The following DSC1 variants were observed in gnomAD, a reference collection of about 807,000 sequenced individuals.
The protein encoded by DSC1 is desmocollin-1.
Under a neutral mutation model 98.8 loss-of-function variants are expected in DSC1, and 79 were observed. The ratio of observed to expected loss-of-function variants is 0.80; its 90% CI spans 0.67 to 0.96. The LOEUF is 0.96. Ranked by LOEUF, DSC1 falls within the 50% of genes least tolerant of loss-of-function variation. The probability of loss-of-function intolerance (pLI) is 0.00; values close to 1 mark genes in which losing one functional copy is unlikely to be tolerated. For missense variants in DSC1, 1,115 were observed against 1,075.9 expected, an observed-to-expected ratio of 1.04 and a Z score of -0.51; for synonymous variants, 405 against 372.1, an observed-to-expected ratio of 1.09 and a Z score of -1.02.
At chr18:31,156,410 C>T (rs948037693) in intron 3 of DSC1, among the ~76,000 whole-genome samples, 2 of 152,074 alleles carry the variant, frequency 1.3e-5, no homozygotes, top group African/African-American at 4.8e-5. Context: ...GGAAAGATGC[C>T]ACTTTGAGAA....
Position 31,130,558 on chromosome 18 carries a change from C to G in DSC1, c.2641G>C (p.Glu881Gln), listed in dbSNP as rs1988462275. The G allele has an allele frequency of 1.2e-6, 2 of 1,613,998 alleles. No homozygotes were observed. The highest frequency in any genetic ancestry group is 1.7e-6 in the Non-Finnish European group (2 of 1,180,018). Residue 881 changes from glutamate (E) to glutamine (Q), a missense_variant, in exon 16 of 16, where the codon GAA becomes CAA. By Grantham distance (29) the Glu-to-Gln change is conservative. Coordinates refer to ENST00000257198, the MANE Select transcript of DSC1 (RefSeq NM_024421.2). ...EEGLEFLDHL[E>Q]PKFRTLAKTC... ...TTTGCTAATGTCCTAAATTTGGGTT[C>G]CAGGTGATCTAGAAACTCCAGTCCC... is the stretch of plus-strand genomic sequence containing the variant.
chr18:31,154,260 G>T (rs1039239567), intron 5 of DSC1, among the ~76,000 whole-genome samples: 1 of 144,668 alleles, frequency 6.9e-6, no homozygotes, highest in African/African-American at 2.5e-5. Flanking sequence ...CTGAAGAATA[G>T]TGAGAGAAAG....
chr18:31,143,973 G>T (rs1172882850), intron 7 of DSC1, among the ~76,000 whole-genome samples, 182 bp from the exon 8 acceptor site: 2 of 152,062 alleles, frequency 1.3e-5, no homozygotes, highest in Admixed American at 6.5e-5. Context: ...GCAGTGGCAT[G>T]ATCTTGGCTC....
At position 31,134,735 on chromosome 18, in the gene DSC1, G is replaced by T. The variant is rs376495489; in HGVS notation, c.1713C>A (p.Asn571Lys). Residue 571 changes from asparagine (N) to lysine (K), a missense_variant, in exon 12 of 16, where the codon AAC (asparagine) becomes AAA (lysine). By Grantham distance (94) the Asn-to-Lys change is moderately conservative. Coordinates refer to ENST00000257198, the MANE Select transcript of DSC1 (RefSeq NM_024421.2). ...CTTTGTCAATTTGAGGTGCGTGATC[G>T]TTGTAATCATCCAAATGAACTACTA... The part of the protein sequence containing the change: ...GTLVVHLDDY[N>K]DHAPQIDKEV... The T allele has an allele frequency of 2.5e-6, 4 of 1,613,060 alleles. No individual in the cohort carries two copies. Among genetic ancestry groups the T allele is most frequent in the African/African-American group, 1.3e-5 (1 of 74,970 alleles).
intron 4 of DSC1, among the ~76,000 whole-genome samples, chr18:31,155,737 A>T (rs931856240): frequency 1.3e-5 from 2 of 152,232 alleles, no homozygotes; most frequent in African/African-American, 4.8e-5. Context: ...CAAAACATGT[A>T]GGTGTGCCTT....
intron 5 of DSC1, among the ~76,000 whole-genome samples, chr18:31,154,054 A>G (rs1989048195): frequency 6.6e-6 from 1 of 152,202 alleles, no homozygotes; most frequent in Admixed American, 6.5e-5. Flanking sequence ...CCAAAAACCT[A>G]CTATGAATAT....
At chr18:31,152,833 C>T (rs191937493) in intron 5 of DSC1, among the ~76,000 whole-genome samples, 67 of 151,806 alleles carry the variant, frequency 4.4e-4, no homozygotes, top group African/African-American at 1.5e-3. Context: ...ATTTTAACCT[C>T]TGCATTGACA....
At chr18:31,143,854 C>T (rs1988788177) in intron 7 of DSC1, 63 bp from the exon 8 acceptor site, 4 of 1,332,768 alleles carry the variant, frequency 3.0e-6, no homozygotes, top group Non-Finnish European at 4.0e-6. Context: ...GCAATTCTCA[C>T]AACCACTTGT....
chr18:31,162,759 G>A lies in DSC1; in HGVS notation c.-165C>T, dbSNP rs1311333223. 6 of 603,172 alleles carry A rather than the reference G, an allele frequency of 9.9e-6. No homozygotes were observed. The highest frequency in any genetic ancestry group is 1.8e-5 in the Non-Finnish European group (6 of 335,110). The allele number at this position is 603,172 out of a possible 1,614,324, so 37.4% of individuals were successfully genotyped here. Reference sequence around the variant, plus strand: ...GTCCGGAGGCAAGTGATAAACAGTAGGAGGAGCAACGGGAGAATTTCTTTC... The same window carrying A: ...GTCCGGAGGCAAGTGATAAACAGTAAGAGGAGCAACGGGAGAATTTCTTTC... On this transcript the variant is annotated 5_prime_UTR_variant, in exon 1 of 16. Coordinates refer to ENST00000257198, the MANE Select transcript of DSC1 (RefSeq NM_024421.2).
chr18:31,150,288 CCACCACTACCAT>C (rs1568002646), intron 5 of DSC1, among the ~76,000 whole-genome samples: 3 of 74,598 alleles, frequency 4.0e-5, no homozygotes, highest in Non-Finnish European at 6.0e-5. Flanking sequence ...ATCACCACCA[CCACCACTACCAT>C]CATCACCACC....
rs769810925 is a variant in DSC1 at position 31,134,732 on chromosome 18, A to G, written c.1716T>C (p.Asp572=). 135 of 1,613,152 alleles carry G rather than the reference A, an allele frequency of 8.4e-5. No individual in the cohort carries two copies. Among genetic ancestry groups the G allele is most frequent in the Admixed American group, 5.0e-5 (3 of 59,868 alleles). The change falls in exon 12 of 16, where the codon GAT becomes GAC. Residue 572 remains aspartate, a synonymous_variant. Coordinates refer to ENST00000257198, the MANE Select transcript of DSC1 (RefSeq NM_024421.2). ...CTTCTTTGTCAATTTGAGGTGCGTGATCGTTGTAATCATCCAAATGAACTA... is the reference window on the plus strand; with the variant it reads ...CTTCTTTGTCAATTTGAGGTGCGTGGTCGTTGTAATCATCCAAATGAACTA... The part of the protein sequence containing the change: ...TLVVHLDDYN[D]HAPQIDKEVT...
Position 31,132,661 on chromosome 18 carries a change from A to G in DSC1, c.2145T>C (p.Thr715=). The stretch of plus-strand genomic sequence containing the variant: ...AACATTTCTTGACTGTTCTCTTAGC[A>G]GTGACACAGAAACATGTAAACAGAA... ...LCILFTCFCV[T]AKRTVKKCFP... Residue 715 remains threonine (T), a synonymous_variant, in exon 14 of 16, where the codon ACT becomes ACC. Transcript: ENST00000257198. The G allele has an allele frequency of 1.9e-6, 3 of 1,613,354 alleles. No homozygotes were observed. Among genetic ancestry groups the G allele is most frequent in the Non-Finnish European group, 2.5e-6 (3 of 1,179,588 alleles).
rs906748772 is a variant in DSC1 at position 31,132,113 on chromosome 18, A to G, written c.2239-271T>C. 5.0e-5 allele frequency: 24 copies of G among 480,746 alleles called. No individual in the cohort carries two copies. In the Admixed American group the frequency reaches 8.3e-4, roughly 17 times the overall value. 29.8% of individuals were successfully genotyped at this position (480,746 alleles called of 1,614,324 possible). A position where few individuals can be genotyped will look rare whatever the true frequency, so the allele number is the denominator to read the frequency against. On this transcript the variant is annotated intron_variant, in intron 14 of 15. Transcript: ENST00000257198. Reference sequence around the variant, plus strand: ...AGCTAAGATGAGGTTATATGGGATTAGAGTGGGTCCCTAAGCGAATATAAT... The same window carrying G: ...AGCTAAGATGAGGTTATATGGGATTGGAGTGGGTCCCTAAGCGAATATAAT...
At chr18:31,150,393 CCATTAT>C (rs1988969622) in intron 5 of DSC1, among the ~76,000 whole-genome samples, 1 of 1,918 alleles carries the variant, frequency 5.2e-4, no homozygotes, top group African/African-American at 1.8e-3. Context: ...ACCATCACCA[CCATTAT>C]CACCACCACC....
intron 3 of DSC1, among the ~76,000 whole-genome samples, chr18:31,157,103 T>C (rs1989112922): frequency 6.6e-6 from 1 of 152,216 alleles, no homozygotes; most frequent in Admixed American, 6.5e-5. Flanking sequence ...GGTTTGTTCT[T>C]ATTCCCAAAC....
intron 9 of DSC1, 132 bp downstream of exon 9, chr18:31,141,867 T>G: frequency 1.2e-6 from 1 of 864,496 alleles, no homozygotes; most frequent in African/African-American, 1.8e-5. Flanking sequence ...CAACAAAGTT[T>G]ATATAAACCA....
intron 9 of DSC1, among the ~76,000 whole-genome samples, 159 bp downstream of exon 9, chr18:31,141,840 G>A (rs559096906): frequency 6.6e-6 from 1 of 152,108 alleles, no homozygotes; most frequent in African/African-American, 2.4e-5. Flanking sequence ...AGAAAATTAG[G>A]GTAAGAGAAT....
chr18:31,151,828 G>A (rs946976266), intron 5 of DSC1, among the ~76,000 whole-genome samples: 2 of 152,166 alleles, frequency 1.3e-5, no homozygotes, highest in Admixed American at 1.3e-4. Flanking sequence ...GCACATATAT[G>A]AAGAGAATTA....
intron 6 of DSC1, among the ~76,000 whole-genome samples, chr18:31,147,278 A>G (rs187813205): frequency 4.9e-4 from 74 of 152,278 alleles, no homozygotes; most frequent in African/African-American, 1.7e-3. Flanking sequence ...AAACTTTATA[A>G]AGATTCAAAT....
Sources: allele counts gnomAD v4.1 joint callset (sites outside exome capture counted in the v4.1 genomes callset), GRCh38; gene constraint gnomAD v4.1.1; transcripts MANE v1.5; gene names NCBI Gene and HGNC (gene_info 2026-07-23, HGNC 2026-07-21).